Variants in HDAC9 observed in about 807,000 individuals in gnomAD.
HDAC9 encodes the protein MEF-2 interacting transcription repressor (MITR) protein.
In HDAC9, 41 loss-of-function variants were observed where a neutral mutation model predicts 139.4. The ratio of observed to expected loss-of-function variants is 0.29; its 90% CI spans 0.23 to 0.38. HDAC9 has a LOEUF of 0.38. Among genes scored for constraint, HDAC9 ranks in the 10% least tolerant of loss-of-function variants. The probability of loss-of-function intolerance (pLI) is 1.00; values close to 1 mark genes in which losing one functional copy is unlikely to be tolerated. For synonymous variants in HDAC9, 517 were observed against 476.2 expected, an observed-to-expected ratio of 1.09 and a Z score of -1.12; for missense variants, 1,147 against 1,297.0, an observed-to-expected ratio of 0.88 and a Z score of 1.78.
chr7:18,222,289 C>T (rs563594822), intron 2 of HDAC9, among the ~76,000 whole-genome samples: 37 of 152,202 alleles, frequency 2.4e-4, no homozygotes, highest in African/African-American at 7.2e-4. Flanking sequence ...ATAAGTGGCT[C>T]TTTTAATTGT....
At chr7:18,523,769 G>C (rs758410021) in intron 2 of HDAC9, among the ~76,000 whole-genome samples, 1 of 152,044 alleles carries the variant, frequency 6.6e-6, no homozygotes, top group Non-Finnish European at 1.5e-5. Context: ...CCATCACATA[G>C]AGTAGTTAGA....
intron 24 of HDAC9, among the ~76,000 whole-genome samples, chr7:18,956,346 A>T (rs1167596601): frequency 6.6e-6 from 1 of 152,132 alleles, no homozygotes; most frequent in Non-Finnish European, 1.5e-5. Flanking sequence ...TTTCTCTTAA[A>T]AATATCAAAT....
At chr7:18,385,885 T>A (rs1053124495) in intron 1 of HDAC9, among the ~76,000 whole-genome samples, 2 of 152,122 alleles carry the variant, frequency 1.3e-5, no homozygotes, top group African/African-American at 4.8e-5. Flanking sequence ...TTAATTTCAC[T>A]GAGCTCCTTT....
intron 1 of HDAC9, among the ~76,000 whole-genome samples, chr7:18,108,441 G>A (rs879918151): frequency 2.6e-5 from 4 of 152,158 alleles, no homozygotes; most frequent in African/African-American, 4.8e-5. Context: ...TGTAAAGGCT[G>A]TACTAGGTAA....
chr7:18,404,611 T>C (rs1025472964), intron 1 of HDAC9, among the ~76,000 whole-genome samples: 28 of 152,234 alleles, frequency 1.8e-4, no homozygotes, highest in Non-Finnish European at 3.7e-4. Flanking sequence ...TAGTTAAGCT[T>C]AGAAACACAA....
intron 1 of HDAC9, among the ~76,000 whole-genome samples, chr7:18,490,678 A>G (rs1428958078): frequency 6.6e-6 from 1 of 152,034 alleles, no homozygotes; most frequent in Non-Finnish European, 1.5e-5. Flanking sequence ...TAAGGTCTTG[A>G]GTTGGAACAA....
intron 1 of HDAC9, among the ~76,000 whole-genome samples, chr7:18,390,992 G>A (rs1263971966): frequency 6.6e-6 from 1 of 152,176 alleles, no homozygotes; most frequent in African/African-American, 2.4e-5. Context: ...GGGAGACTGA[G>A]GTGGGAGAGT....
At chr7:18,831,997 C>G (rs987972451) in intron 19 of HDAC9, among the ~76,000 whole-genome samples, 2 of 152,174 alleles carry the variant, frequency 1.3e-5, no homozygotes, top group African/African-American at 4.8e-5. Context: ...CAGCCAAATT[C>G]AGCAGCGTTG....
At chr7:18,905,414 T>A (rs1192316202) in intron 22 of HDAC9, among the ~76,000 whole-genome samples, 1 of 152,230 alleles carries the variant, frequency 6.6e-6, no homozygotes, top group Non-Finnish European at 1.5e-5. Flanking sequence ...TCACGTAGAT[T>A]TTTGAAAGTC....
At chr7:18,145,064 C>T (rs79191629) in intron 1 of HDAC9, among the ~76,000 whole-genome samples, 28,856 of 152,194 alleles carry the variant, frequency 0.19, 2,909 homozygotes, top group South Asian at 0.34. Flanking sequence ...TTATGGACAA[C>T]ACTTAGACTT....
intron 1 of HDAC9, among the ~76,000 whole-genome samples, chr7:18,411,258 T>C (rs1788518090): frequency 6.6e-6 from 1 of 152,252 alleles, no homozygotes; most frequent in African/African-American, 2.4e-5. Flanking sequence ...CGTAAGATTT[T>C]TTTGACTTTA....
intron 13 of HDAC9, among the ~76,000 whole-genome samples, chr7:18,731,214 A>G (rs959463818): frequency 1.3e-5 from 2 of 152,190 alleles, no homozygotes; most frequent in African/African-American, 4.8e-5. Flanking sequence ...GAGAAACTGC[A>G]GATGGGGGAG....
chr7:18,119,691 G>C (rs762161531), intron 1 of HDAC9, among the ~76,000 whole-genome samples: 1 of 152,202 alleles, frequency 6.6e-6, no homozygotes, highest in Non-Finnish European at 1.5e-5. Flanking sequence ...CAATATACCT[G>C]TCATGGTAAA....
At chr7:18,724,855 G>T (rs1785413515) in intron 12 of HDAC9, among the ~76,000 whole-genome samples, 1 of 152,172 alleles carries the variant, frequency 6.6e-6, no homozygotes, top group African/African-American at 2.4e-5. Flanking sequence ...AATAGTTACT[G>T]CATGCAATAA....
At chr7:18,133,794 A>G (rs1785189266) in intron 1 of HDAC9, among the ~76,000 whole-genome samples, 1 of 152,066 alleles carries the variant, frequency 6.6e-6, no homozygotes, top group Non-Finnish European at 1.5e-5. Flanking sequence ...TCAGAGAAAC[A>G]CCATTTGACT....
chr7:18,796,698 C>T (rs1055576351), intron 17 of HDAC9, among the ~76,000 whole-genome samples: 1 of 152,108 alleles, frequency 6.6e-6, no homozygotes, highest in Admixed American at 6.5e-5. Flanking sequence ...TATTGGAAAT[C>T]ATAATTGGAA....
At chr7:18,644,381 A>C (rs1172617994) in intron 8 of HDAC9, among the ~76,000 whole-genome samples, 1 of 152,158 alleles carries the variant, frequency 6.6e-6, no homozygotes, top group African/African-American at 2.4e-5. Context: ...TTATCATTGT[A>C]CTTTATCAGC....
At chr7:18,216,792 G>A (rs1260622244) in intron 2 of HDAC9, among the ~76,000 whole-genome samples, 1 of 152,092 alleles carries the variant, frequency 6.6e-6, no homozygotes, top group East Asian at 1.9e-4. Context: ...ATAGTTTTCT[G>A]TTTTGTCAGC....
chr7:18,451,382 T>TGC, intron 1 of HDAC9, among the ~76,000 whole-genome samples: 1 of 134,104 alleles, frequency 7.5e-6, no homozygotes, highest in South Asian at 2.8e-4. Flanking sequence ...TGTGTGTGTG[T>TGC]GTGTGTGTGT....
Sources: allele counts gnomAD v4.1 joint callset (sites outside exome capture counted in the v4.1 genomes callset), GRCh38; gene constraint gnomAD v4.1.1; transcripts MANE v1.5; gene names NCBI Gene and HGNC (gene_info 2026-07-23, HGNC 2026-07-21).